The following JAKMIP1 variants were observed in gnomAD, a reference collection of about 807,000 sequenced individuals.
JAKMIP1 encodes janus kinase and microtubule-interacting protein 1.
In JAKMIP1, 33 loss-of-function variants were observed where a neutral mutation model predicts 113.0. That is an observed-to-expected ratio of 0.29 (90% confidence interval 0.22 to 0.39). The LOEUF (loss-of-function observed/expected upper bound fraction) is 0.39. Among genes scored for constraint, JAKMIP1 ranks in the 10% least tolerant of loss-of-function variants. The pLI, the probability that JAKMIP1 is intolerant of heterozygous loss-of-function variation, is 1.00. For missense variants in JAKMIP1, 813 were observed against 1,080.5 expected (o/e 0.75, Z 3.47); for synonymous variants, 480 against 459.9 (o/e 1.04, Z -0.56).
rs139064805 is a variant in JAKMIP1 at position 6,122,011 on chromosome 4, A to G, written c.-147-9014T>C. ...TATAATATACGCTGTATATATGTGCATTTGTAGGCAGGCTTATATTTAAGT... is the reference window on the plus strand; with the variant it reads ...TATAATATACGCTGTATATATGTGCGTTTGTAGGCAGGCTTATATTTAAGT... On this transcript the variant is annotated intron_variant, in intron 1 of 20. Transcript: ENST00000409021. 5.1e-3 allele frequency among the ~76,000 whole-genome samples: 777 copies of G among 152,344 alleles called. 5 individuals carry two copies. Among genetic ancestry groups the G allele is most frequent in the Non-Finnish European group, 8.3e-3 (565 of 68,028 alleles).
In JAKMIP1 at chr4:6,176,590, T is replaced by A. The variant is rs897920095; in HGVS notation, c.-148+23663A>T. 5.9e-5 allele frequency among the ~76,000 whole-genome samples: 9 copies of A among 152,224 alleles called. No homozygotes were observed. Among genetic ancestry groups the A allele is most frequent in the African/African-American group, 2.2e-4 (9 of 41,530 alleles). ...GAATGGGGCAATGGGGTCAGGGAAT[T>A]AAGGGCTGGGAGATAACTCCATGTT... On this transcript the variant is annotated intron_variant, in intron 1 of 20. Coordinates refer to ENST00000409021, the MANE Select transcript of JAKMIP1 (RefSeq NM_001099433.2). The surrounding 1 kb of genome is among the most constrained non-coding windows in gnomAD (Gnocchi z 5.5).
Position 6,088,547 on chromosome 4 carries a change from G to C in JAKMIP1, c.625-2918C>G, listed in dbSNP as rs1338245042. 6.6e-6 allele frequency among the ~76,000 whole-genome samples: 1 copy of C among 152,182 alleles called. No individual in the cohort carries two copies. The highest frequency in any genetic ancestry group is 1.5e-5 in the Non-Finnish European group (1 of 68,028). On this transcript the variant is annotated intron_variant, in intron 3 of 20. Transcript: ENST00000409021. The surrounding 1 kb of genome is among the most constrained non-coding windows in gnomAD (Gnocchi z 5.5). ...AGTGAGACAGAGGGCTTCTGCCCCA[G>C]TCATCACAAGAAAGTTTCCTAGAAA...
rs541983175 is a variant in JAKMIP1, at chr4:6,126,900, CCA to C, written c.-147-13905_-147-13904del. On this transcript the variant is annotated intron_variant, in intron 1 of 20. Transcript: ENST00000409021. ...CACATATGCCACATACACACACACA[CCA>C]CAGATACACACCACACACAAATATA... is the stretch of plus-strand genomic sequence containing the variant. 2.1e-3 allele frequency among the ~76,000 whole-genome samples: 319 copies of C among 151,834 alleles called. 1 individual carries two copies. Among genetic ancestry groups the C allele is most frequent in the Non-Finnish European group, 4.2e-3 (283 of 67,946 alleles).
Position 6,064,843 on chromosome 4 carries a change from T to C in JAKMIP1, c.1431+37A>G. On this transcript the variant is annotated intron_variant, in intron 9 of 20. Transcript: ENST00000409021. This position sits in a 1 kb window ranked among gnomAD's most constrained non-coding sequence, Gnocchi z 4.3. ...CAGGAGGTGCCGCCCCGAGAGCATC[T>C]GGGGTGAGGTCCCGCCCTCTCTGCA... The C allele has an allele frequency of 1.2e-6, 2 of 1,612,470 alleles. No individual in the cohort carries two copies. The highest frequency in any genetic ancestry group is 1.7e-6 in the Non-Finnish European group (2 of 1,179,346).
Position 6,199,450 on chromosome 4 carries a change from A to C in JAKMIP1, c.-148+803T>G, listed in dbSNP as rs1426203630. On this transcript the variant is annotated intron_variant, in intron 1 of 20. Transcript: ENST00000409021. This position sits in a 1 kb window ranked among gnomAD's most constrained non-coding sequence, Gnocchi z 5.6. ...GGGCTGGGAGGCGAGGCCGCAGCGCACTGACGCAGGCCAGCGAGGCCGCTG... is the reference window on the plus strand; with the variant it reads ...GGGCTGGGAGGCGAGGCCGCAGCGCCCTGACGCAGGCCAGCGAGGCCGCTG... Among the ~76,000 whole-genome samples the C allele has an allele frequency of 6.6e-6, 1 of 152,144 alleles. No homozygotes were observed. The highest frequency in any genetic ancestry group is 1.5e-5 in the Non-Finnish European group (1 of 67,996).
intron 1 of JAKMIP1, among the ~76,000 whole-genome samples, chr4:6,190,104 G>T (rs1298919665): frequency 5.3e-5 from 8 of 152,160 alleles, no homozygotes; most frequent in Admixed American, 1.3e-4. Context: ...CACTCCTGGG[G>T]CCCAAGAAGG....
chr4:6,063,329 C>T (rs890463089), intron 9 of JAKMIP1, among the ~76,000 whole-genome samples: 8 of 152,204 alleles, frequency 5.3e-5, no homozygotes, highest in Non-Finnish European at 1.0e-4. Context: ...CTGAAAGATG[C>T]CTATTACATA....
intron 1 of JAKMIP1, among the ~76,000 whole-genome samples, chr4:6,145,038 T>C (rs1720659168): frequency 6.6e-6 from 1 of 152,200 alleles, no homozygotes; most frequent in Non-Finnish European, 1.5e-5. Context: ...TGTGGCAGGA[T>C]ACAAGCTTAG....
chr4:6,032,898 G>C (rs1053411327), intron 19 of JAKMIP1, among the ~76,000 whole-genome samples: 1 of 152,164 alleles, frequency 6.6e-6, no homozygotes, highest in Non-Finnish European at 1.5e-5. Context: ...TGTTAGGAAG[G>C]CTTCGGCAGA....
In JAKMIP1 at chr4:6,045,788, T is replaced by C. The variant is rs143635840; in HGVS notation, c.2028+3069A>G. On this transcript the variant is annotated intron_variant, in intron 16 of 20. Transcript: ENST00000409021. ...AGGAGGCTGAAGCACGAGAATCACT[T>C]GAACCTGGGAGGTGGAGGTTGCAGT... 8.9e-3 allele frequency among the ~76,000 whole-genome samples: 1,348 copies of C among 152,222 alleles called. 11 individuals are homozygous for C. Among genetic ancestry groups the C allele is most frequent in the African/African-American group, 0.031 (1,275 of 41,528 alleles).
chr4:6,148,004 A>T (rs1191830131), intron 1 of JAKMIP1, among the ~76,000 whole-genome samples: 1 of 152,228 alleles, frequency 6.6e-6, no homozygotes, highest in Admixed American at 6.5e-5. Flanking sequence ...CTGAATTTTC[A>T]TTCCTTAGGA....
At chr4:6,054,017 G>A (rs376169499) in intron 13 of JAKMIP1, 33 bp downstream of exon 13, 76 of 1,614,028 alleles carry the variant, frequency 4.7e-5, no homozygotes, top group Non-Finnish European at 5.6e-5. Context: ...TGTCTGCTCC[G>A]TTTGAGAGTT....
chr4:6,082,751 G>A (rs764865907), intron 5 of JAKMIP1, among the ~76,000 whole-genome samples: 11 of 152,070 alleles, frequency 7.2e-5, no homozygotes, highest in Non-Finnish European at 1.0e-4. Flanking sequence ...ATCTTCCCAC[G>A]TTGGCTTCCC....
Position 6,192,420 on chromosome 4 carries a change from C to T in JAKMIP1, c.-148+7833G>A, listed in dbSNP as rs1727376811. 6.6e-6 allele frequency among the ~76,000 whole-genome samples: 1 copy of T among 152,168 alleles called. No homozygotes were observed. Among genetic ancestry groups the T allele is most frequent in the African/African-American group, 2.4e-5 (1 of 41,432 alleles). ...TCATTCACAATCACAATGACCATGA[C>T]TTCCACAAGTAACACCAGCAGCAGC... On this transcript the variant is annotated intron_variant, in intron 1 of 20. Coordinates refer to ENST00000409021, the MANE Select transcript of JAKMIP1 (RefSeq NM_001099433.2). This position sits in a 1 kb window ranked among gnomAD's most constrained non-coding sequence, Gnocchi z 5.0.
intron 8 of JAKMIP1, among the ~76,000 whole-genome samples, chr4:6,078,461 T>C (rs1720008454): frequency 1.3e-5 from 2 of 150,046 alleles, no homozygotes; most frequent in Admixed American, 6.7e-5. Flanking sequence ...GATTGGTCCC[T>C]GTGGGCATTT....
chr4:6,095,751 G>A lies in JAKMIP1; in HGVS notation c.624+9722C>T, dbSNP rs560294694. On this transcript the variant is annotated intron_variant, in intron 3 of 20. Transcript: ENST00000409021. ...AGTGGAATTAGCACACTAAAGGGCAGGAGCGTGCATAAAGCTGTTGTTTGC... is the reference window on the plus strand; with the variant it reads ...AGTGGAATTAGCACACTAAAGGGCAAGAGCGTGCATAAAGCTGTTGTTTGC... Among the ~76,000 whole-genome samples the A allele has an allele frequency of 2.9e-3, 439 of 152,268 alleles. 2 individuals are homozygous for A. Among genetic ancestry groups the A allele is most frequent in the African/African-American group, 9.7e-3 (404 of 41,534 alleles).
chr4:6,138,037 C>T lies in JAKMIP1; in HGVS notation c.-147-25040G>A, dbSNP rs780572672. Among the ~76,000 whole-genome samples, 2 of 152,248 alleles carry T rather than the reference C, an allele frequency of 1.3e-5. No individual in the cohort carries two copies. Among genetic ancestry groups the T allele is most frequent in the Middle Eastern group, 3.4e-3 (1 of 294 alleles). On this transcript the variant is annotated intron_variant, in intron 1 of 20. Coordinates refer to ENST00000409021, the MANE Select transcript of JAKMIP1 (RefSeq NM_001099433.2). The surrounding 1 kb of genome is among the most constrained non-coding windows in gnomAD (Gnocchi z 6.0). ...CCCAGAGGTGGCAGAGGTGGCAGCTCCCGAGAGGCCAGCTCTGGGGTGACA... is the reference window on the plus strand; with the variant it reads ...CCCAGAGGTGGCAGAGGTGGCAGCTTCCGAGAGGCCAGCTCTGGGGTGACA...
intron 8 of JAKMIP1, among the ~76,000 whole-genome samples, chr4:6,075,089 A>C (rs759921160): frequency 2.0e-5 from 3 of 152,256 alleles, no homozygotes; most frequent in African/African-American, 7.2e-5. Context: ...AGGAAAAAAA[A>C]GTCCGGGAGG....
At chr4:6,170,960 A>C (rs565619946) in intron 1 of JAKMIP1, among the ~76,000 whole-genome samples, 2 of 140,996 alleles carry the variant, frequency 1.4e-5, no homozygotes, top group South Asian at 4.7e-4. Context: ...CCCCATCACC[A>C]TAACCCACCA....
Sources: gnomAD v4.1 joint callset for allele counts (sites outside exome capture counted in the v4.1 genomes callset) on GRCh38, gnomAD v4.1.1 for gene constraint, Gnocchi (gnomAD v3.1) non-coding constraint, MANE v1.5 for transcripts, NCBI Gene and HGNC (gene_info 2026-07-23, HGNC 2026-07-21) for gene names.